Variants in UCHL3 observed in about 807,000 individuals in gnomAD.
UCHL3 encodes ubiquitin C-terminal hydrolase L3.
In UCHL3, 22 loss-of-function variants were observed where a neutral mutation model predicts 35.8. That is an observed-to-expected ratio of 0.61 (90% CI 0.44 to 0.88). UCHL3 has a LOEUF of 0.88. Ranked by LOEUF, UCHL3 falls within the 40% of genes least tolerant of loss-of-function variation. The probability of loss-of-function intolerance (pLI) is 0.00; values close to 1 mark genes in which losing one functional copy is unlikely to be tolerated. For missense variants in UCHL3, 229 were observed against 276.9 expected (o/e 0.83, Z 1.23); for synonymous variants, 90 against 92.8 (o/e 0.97, Z 0.17).
chr13:75,563,920 C>CTGTGTGTGTGTGTG (rs58677064), intron 3 of UCHL3, among the ~76,000 whole-genome samples: 8 of 149,372 alleles, frequency 5.4e-5, no homozygotes, highest in African/African-American at 1.5e-4. Flanking sequence ...AATAATATTT[C>CTGTGTGTGTGTGTG]TGTGTGTGTG....
At chr13:75,603,363 C>T (rs2032833530) in intron 7 of UCHL3, among the ~76,000 whole-genome samples, 1 of 152,098 alleles carries the variant, frequency 6.6e-6, no homozygotes, top group East Asian at 1.9e-4. Context: ...GGTGCTGTTG[C>T]ATGTGCCTGC....
At chr13:75,595,512 G>A (rs1016535196) in intron 7 of UCHL3, among the ~76,000 whole-genome samples, 8 of 136,998 alleles carry the variant, frequency 5.8e-5, no homozygotes, top group Admixed American at 3.3e-4. Context: ...CAGGAGAATC[G>A]CTTGAACACA....
chr13:75,605,233 C>T (rs776796797), intron 8 of UCHL3, among the ~76,000 whole-genome samples: 5 of 152,228 alleles, frequency 3.3e-5, no homozygotes, highest in South Asian at 4.1e-4. Context: ...TACGGCCAGG[C>T]GTAGTGGCTC....
At position 75,567,447 on chromosome 13, in the gene UCHL3, T is replaced by C. The variant is rs1307654920; in HGVS notation, c.426+135T>C. 9 of 729,822 alleles carry C rather than the reference T, an allele frequency of 1.2e-5. No homozygotes were observed. The East Asian group carries it at 2.2e-4, about 18-fold the overall frequency. The allele number at this position is 729,822 out of a possible 1,614,324, so 45.2% of individuals were successfully genotyped here. A position where few individuals can be genotyped will look rare whatever the true frequency, so the allele number is the denominator to read the frequency against. ...ATTGTATCCATTAAGAAAAGCCTTT[T>C]GTACTTTTCAGATAACTTTGAAATA... is the stretch of plus-strand genomic sequence containing the variant. On this transcript the variant is annotated intron_variant, in intron 5 of 8. Coordinates refer to ENST00000377595, the MANE Select transcript of UCHL3 (RefSeq NM_006002.5).
intron 2 of UCHL3, among the ~76,000 whole-genome samples, chr13:75,554,647 G>A (rs1223571050): frequency 6.6e-6 from 1 of 152,098 alleles, no homozygotes; most frequent in Non-Finnish European, 1.5e-5. Flanking sequence ...ATTTCCATAT[G>A]CACCCAAAGT....
At chr13:75,570,133 G>T (rs540776266) in intron 6 of UCHL3, among the ~76,000 whole-genome samples, 80 of 152,078 alleles carry the variant, frequency 5.3e-4, no homozygotes, top group Non-Finnish European at 1.1e-3. Flanking sequence ...TAGTCAAAAA[G>T]AATTTAACTA....
intron 6 of UCHL3, among the ~76,000 whole-genome samples, chr13:75,580,772 T>C (rs1421675959): frequency 1.3e-5 from 2 of 152,188 alleles, no homozygotes; most frequent in Non-Finnish European, 2.9e-5. Flanking sequence ...ATTTTGCAGA[T>C]GGGAAATCTA....
intron 6 of UCHL3, among the ~76,000 whole-genome samples, chr13:75,570,148 T>TG (rs2031808196): frequency 2.0e-5 from 3 of 152,264 alleles, no homozygotes; most frequent in Admixed American, 2.0e-4. Flanking sequence ...TAACTAAAGC[T>TG]GTTTGGTATG....
chr13:75,574,224 A>C (rs2031953642), intron 6 of UCHL3, among the ~76,000 whole-genome samples: 1 of 152,070 alleles, frequency 6.6e-6, no homozygotes, highest in Non-Finnish European at 1.5e-5. Context: ...TCTCAAAAAA[A>C]AAAAATGTCA....
At chr13:75,568,061 G>A (rs1334294895) in intron 5 of UCHL3, among the ~76,000 whole-genome samples, 1 of 151,960 alleles carries the variant, frequency 6.6e-6, no homozygotes, top group Non-Finnish European at 1.5e-5. Flanking sequence ...CATAAACTAG[G>A]CTATATATAT....
chr13:75,554,512 C>CGGCTATTCCAAATAT (rs1271146079), intron 2 of UCHL3, among the ~76,000 whole-genome samples: 1 of 152,170 alleles, frequency 6.6e-6, no homozygotes, highest in African/African-American at 2.4e-5. Flanking sequence ...ATTCCAAATA[C>CGGCTATTCCAAATAT]GGCTATTCCA....
chr13:75,553,306 C>T (rs1358358170), intron 2 of UCHL3, among the ~76,000 whole-genome samples: 2 of 152,188 alleles, frequency 1.3e-5, no homozygotes, highest in Non-Finnish European at 2.9e-5. Flanking sequence ...TTTCCTTATT[C>T]ATTCCTGTGT....
At chr13:75,596,220 G>T (rs1483413496) in intron 7 of UCHL3, among the ~76,000 whole-genome samples, 2 of 152,186 alleles carry the variant, frequency 1.3e-5, no homozygotes, top group Non-Finnish European at 2.9e-5. Context: ...AGGGGACAAG[G>T]AAAAGAAAGA....
intron 6 of UCHL3, among the ~76,000 whole-genome samples, chr13:75,580,152 G>A (rs2032139201): frequency 6.6e-6 from 1 of 152,172 alleles, no homozygotes; most frequent in Non-Finnish European, 1.5e-5. Context: ...CATGGAATAT[G>A]TAGTGGTATT....
intron 6 of UCHL3, among the ~76,000 whole-genome samples, chr13:75,592,435 T>TAC (rs749370546): frequency 0.05 from 4,960 of 98,688 alleles, 465 homozygotes; most frequent in South Asian, 0.13. Flanking sequence ...TATATATATA[T>TAC]ATATATATAT....
At position 75,605,776 on chromosome 13, in the gene UCHL3, A is replaced by G. The variant is rs2032928269; in HGVS notation, c.657A>G (p.Glu219=). ...AGTTTATGGAGCGCGACCCTGATGA[A>G]CTAAGATTTAATGCGATTGCTCTTT... The part of the protein sequence containing the change: ...CKKFMERDPD[E]LRFNAIALSA... The change falls in exon 9 of 9, where the codon GAA becomes GAG. Residue 219 remains glutamate (E), a synonymous_variant. Coordinates refer to ENST00000377595, the MANE Select transcript of UCHL3 (RefSeq NM_006002.5). The G allele has an allele frequency of 1.2e-6, 2 of 1,613,970 alleles. No individual in the cohort carries two copies.
intron 6 of UCHL3, 92 bp downstream of exon 6, chr13:75,569,599 T>C: frequency 1.6e-6 from 2 of 1,232,652 alleles, no homozygotes. Context: ...TTGTAGGACA[T>C]AAAGTTTTAG....
At chr13:75,562,223 C>T (rs1481668335) in intron 3 of UCHL3, among the ~76,000 whole-genome samples, 1 of 152,014 alleles carries the variant, frequency 6.6e-6, no homozygotes, top group East Asian at 1.9e-4. Flanking sequence ...AATTAAATAA[C>T]ATTGAAAATT....
chr13:75,584,369 T>C (rs1294860838), intron 6 of UCHL3, among the ~76,000 whole-genome samples: 1 of 152,034 alleles, frequency 6.6e-6, no homozygotes, highest in Admixed American at 6.6e-5. Flanking sequence ...AACAAGAGCA[T>C]TGAAAAAGAA....
Sources: gnomAD v4.1 joint callset for allele counts (sites outside exome capture counted in the v4.1 genomes callset) on GRCh38, gnomAD v4.1.1 for gene constraint, MANE v1.5 for transcripts, NCBI Gene and HGNC (gene_info 2026-07-23, HGNC 2026-07-21) for gene names.